Variants in NTAQ1 observed in about 807,000 individuals in gnomAD.
NTAQ1 encodes N-terminal glutamine amidase 1, also known as protein N-terminal glutamine amidohydrolase.
In NTAQ1, 21 loss-of-function variants were observed where a neutral mutation model predicts 28.2. That is an observed-to-expected ratio of 0.74 (90% CI 0.53 to 1.07). The LOEUF (loss-of-function observed/expected upper bound fraction) is 1.07. Among genes scored for constraint, NTAQ1 ranks in the 50% least tolerant of loss-of-function variants. The pLI is 0.00. For synonymous variants in NTAQ1, 105 were observed against 90.0 expected (o/e 1.17, Z -0.94); for missense variants, 264 against 256.6 (o/e 1.03, Z -0.20).
downstream of NTAQ1, among the ~76,000 whole-genome samples, chr8:123,444,550 A>G (rs898801643): frequency 6.6e-6 from 1 of 152,200 alleles, no homozygotes; most frequent in African/African-American, 2.4e-5. Context: ...TCTATCGCCC[A>G]GGCTGGAGTG....
downstream of NTAQ1, among the ~76,000 whole-genome samples, chr8:123,442,830 A>G (rs11784379): frequency 0.36 from 53,793 of 149,478 alleles, 9,693 homozygotes; most frequent in East Asian, 0.55. Context: ...CACCATGCCC[A>G]GCGAATTTTT....
rs1193583747 is a variant in NTAQ1, at chr8:123,419,853, G to A, written c.83+2921G>A. On this transcript the variant is annotated intron_variant, in intron 1 of 5. Coordinates refer to ENST00000287387, the MANE Select transcript of NTAQ1 (RefSeq NM_018024.3). The stretch of plus-strand genomic sequence containing the variant: ...CCTTTTTTGAGTCCCTTATGCTTTT[G>A]TTTAGAGTTTAAAGAACATTTCAGA... Among the ~76,000 whole-genome samples, 3 of 143,294 alleles carry A rather than the reference G, an allele frequency of 2.1e-5. No individual in the cohort carries two copies. In the East Asian group the frequency reaches 6.3e-4, roughly 30 times the overall value. 94.0% of individuals were successfully genotyped at this position (143,294 alleles called of 152,430 possible).
downstream of NTAQ1, among the ~76,000 whole-genome samples, chr8:123,449,949 GCATA>G (rs1299462144): frequency 4.9e-4 from 4 of 8,208 alleles, 2 homozygotes; most frequent in Non-Finnish European, 7.7e-4. Flanking sequence ...GTGTGTGTGT[GCATA>G]TATATATATA....
chr8:123,435,727 C>T (rs1406211000), intron 3 of NTAQ1, among the ~76,000 whole-genome samples: 2 of 151,736 alleles, frequency 1.3e-5, no homozygotes, highest in African/African-American at 4.8e-5. Flanking sequence ...ATTAGCTGGG[C>T]GTGGTGGCGG....
chr8:123,470,673 C>G (rs1279452313), downstream of NTAQ1, among the ~76,000 whole-genome samples: 2 of 152,156 alleles, frequency 1.3e-5, no homozygotes, highest in Non-Finnish European at 2.9e-5. Flanking sequence ...TTTTTAAACA[C>G]CCAGTTGTTT....
At chr8:123,418,230 C>T (rs946895455) in intron 1 of NTAQ1, among the ~76,000 whole-genome samples, 1 of 152,104 alleles carries the variant, frequency 6.6e-6, no homozygotes, top group Non-Finnish European at 1.5e-5. Flanking sequence ...GTGGGCGGAT[C>T]TCTTGAGGCC....
At chr8:123,449,523 A>C (rs1374639865), downstream of NTAQ1, among the ~76,000 whole-genome samples, 2 of 152,064 alleles carry the variant, frequency 1.3e-5, no homozygotes, top group African/African-American at 2.4e-5. Context: ...CAAGACCTCT[A>C]CTGTTGCTGT....
the NTAQ1 span, among the ~76,000 whole-genome samples, chr8:123,475,447 G>C: frequency 1.3e-5 from 2 of 152,134 alleles, no homozygotes. Flanking sequence ...TCAGTGGACA[G>C]AGTTTGGAAA....
intron 2 of NTAQ1, 84 bp downstream of exon 2, chr8:123,428,107 T>C: frequency 1.1e-6 from 1 of 919,328 alleles, no homozygotes; most frequent in Non-Finnish European, 1.7e-6. Flanking sequence ...AAGCTAAATA[T>C]AGCATGGGTG....
intron 3 of NTAQ1, chr8:123,435,649 T>G (rs1365209411): frequency 2.1e-6 from 1 of 479,330 alleles, no homozygotes; most frequent in Admixed American, 6.6e-5. Context: ...GGGGGATCAC[T>G]TGAGGCCAGA....
exon 7 of NTAQ1, among the ~76,000 whole-genome samples, chr8:123,467,666 A>G (rs1815988434): frequency 1.3e-5 from 2 of 152,234 alleles, no homozygotes; most frequent in South Asian, 2.1e-4. Context: ...CAAATCCTGT[A>G]GAATTGTGAG....
chr8:123,438,234 C>T (rs900555062), intron 5 of NTAQ1: 15 of 699,364 alleles, frequency 2.1e-5, no homozygotes, highest in African/African-American at 1.1e-4. Context: ...GTATTATTTA[C>T]GTTTGTAAGT....
In NTAQ1 at chr8:123,416,884, AG is replaced by A; in HGVS notation, c.36del (p.Gln12HisfsTer36). 2 of 1,528,268 alleles carry A rather than the reference AG, an allele frequency of 1.3e-6. No homozygotes were observed. Among genetic ancestry groups the A allele is most frequent in the South Asian group, 2.4e-5 (2 of 81,720 alleles). The allele number at this position is 1,528,268 out of a possible 1,614,324, so 94.7% of individuals were successfully genotyped here. ...AATGGCCCCGCTGCTGTCCACTACCAGCCGGCCAGCCCCCCGCGGGACGCCT... is the reference window on the plus strand; with the variant it reads ...AATGGCCCCGCTGCTGTCCACTACCACCGGCCAGCCCCCCGCGGGACGCCT... ...EGNGPAAVHY[Q>X]PASPPRDACV... is the part of the protein sequence containing the mutation. On this transcript the variant is annotated frameshift_variant, in exon 1 of 6. Coordinates refer to ENST00000287387, the MANE Select transcript of NTAQ1 (RefSeq NM_018024.3). LOFTEE classifies it high-confidence loss of function.
At chr8:123,468,674 CA>C (rs1247675620) in exon 7 of NTAQ1, among the ~76,000 whole-genome samples, 2 of 152,200 alleles carry the variant, frequency 1.3e-5, no homozygotes, top group Non-Finnish European at 2.9e-5. Flanking sequence ...CATAGATGTG[CA>C]AATATCTCTG....
chr8:123,458,867 G>T (rs1426901157), intron 6 of NTAQ1, among the ~76,000 whole-genome samples: 1 of 151,952 alleles, frequency 6.6e-6, no homozygotes, highest in Admixed American at 6.6e-5. Context: ...TGATCCACCC[G>T]CCTCGGCCTC....
intron 1 of NTAQ1, among the ~76,000 whole-genome samples, chr8:123,422,337 A>G (rs1314714518): frequency 1.3e-5 from 2 of 150,138 alleles, no homozygotes; most frequent in Non-Finnish European, 3.0e-5. Context: ...GTGCAGTGGC[A>G]CAATTATAGC....
At chr8:123,425,859 A>G (rs1022137156) in intron 1 of NTAQ1, among the ~76,000 whole-genome samples, 1 of 152,118 alleles carries the variant, frequency 6.6e-6, no homozygotes, top group Non-Finnish European at 1.5e-5. Context: ...CCCCATCTCT[A>G]CTACAAATAC....
At chr8:123,456,601 C>T (rs1244050670) in intron 6 of NTAQ1, among the ~76,000 whole-genome samples, 1 of 152,054 alleles carries the variant, frequency 6.6e-6, no homozygotes, top group Non-Finnish European at 1.5e-5. Context: ...TCGAAGGCAC[C>T]GTCAGGAGTT....
chr8:123,423,618 A>G (rs540970093), intron 1 of NTAQ1, among the ~76,000 whole-genome samples: 1 of 152,142 alleles, frequency 6.6e-6, no homozygotes, highest in Non-Finnish European at 1.5e-5. Context: ...TTCCGAGTAT[A>G]AGATCATCTC....
Sources: gnomAD v4.1 joint callset for allele counts (sites outside exome capture counted in the v4.1 genomes callset) on GRCh38, gnomAD v4.1.1 for gene constraint, MANE v1.5 for transcripts, NCBI Gene and HGNC (gene_info 2026-07-23, HGNC 2026-07-21) for gene names.